Variants in KCNJ6 observed in about 807,000 individuals in gnomAD.
The protein encoded by KCNJ6 is potassium inwardly rectifying channel subfamily J member 6.
In KCNJ6, 9 loss-of-function variants were observed where a neutral mutation model predicts 34.2. That is an observed-to-expected ratio of 0.26 (90% confidence interval 0.16 to 0.46). The LOEUF (loss-of-function observed/expected upper bound fraction) is 0.46. Among genes scored for constraint, KCNJ6 ranks in the 20% least tolerant of loss-of-function variants. The pLI, the probability that KCNJ6 is intolerant of heterozygous loss-of-function variation, is 1.00. For missense variants in KCNJ6, 236 were observed against 531.3 expected (o/e 0.44, Z 5.46); for synonymous variants, 196 against 207.1 (o/e 0.95, Z 0.46).
intron 2 of KCNJ6, among the ~76,000 whole-genome samples, chr21:37,734,102 CCT>C (rs2054900626): frequency 6.6e-6 from 1 of 152,062 alleles, no homozygotes; most frequent in Non-Finnish European, 1.5e-5. Context: ...TGTTGTGTAC[CCT>C]GAGGCTTTGA....
chr21:37,790,841 C>T (rs376625173), intron 2 of KCNJ6, among the ~76,000 whole-genome samples: 14 of 152,288 alleles, frequency 9.2e-5, no homozygotes, highest in African/African-American at 3.4e-4. Flanking sequence ...CAATCACATG[C>T]CCACCGTCCC....
intron 3 of KCNJ6, among the ~76,000 whole-genome samples, chr21:37,663,960 A>C (rs1210638311): frequency 6.6e-6 from 1 of 152,252 alleles, no homozygotes; most frequent in East Asian, 1.9e-4. Context: ...TTTACCATGT[A>C]CAACGTTAGC....
chr21:37,680,455 A>T (rs1020217769), intron 3 of KCNJ6, among the ~76,000 whole-genome samples: 1 of 152,208 alleles, frequency 6.6e-6, no homozygotes. Context: ...TTAATTTTAT[A>T]TATCAACTCG....
chr21:37,857,894 G>GA (rs2055573182), intron 1 of KCNJ6, among the ~76,000 whole-genome samples: 1 of 151,974 alleles, frequency 6.6e-6, no homozygotes. Context: ...TATTTATTTA[G>GA]AAAAAAGAGA....
intron 2 of KCNJ6, among the ~76,000 whole-genome samples, chr21:37,815,508 T>C (rs1404490378): frequency 3.3e-5 from 5 of 152,186 alleles, no homozygotes; most frequent in African/African-American, 1.2e-4. Context: ...TCACCAGACT[T>C]TGTCAGTGTC....
At chr21:37,788,867 T>G (rs562979433) in intron 2 of KCNJ6, among the ~76,000 whole-genome samples, 10 of 152,302 alleles carry the variant, frequency 6.6e-5, no homozygotes, top group African/African-American at 2.4e-4. Context: ...GACTCATTTT[T>G]GGGATGGTTT....
chr21:37,705,570 A>G (rs2054715346), intron 3 of KCNJ6, among the ~76,000 whole-genome samples: 1 of 152,208 alleles, frequency 6.6e-6, no homozygotes. Context: ...CTCCACAGTG[A>G]AGGATGTGCA....
chr21:37,625,227 T>C lies in KCNJ6; in HGVS notation c.1204A>G (p.Lys402Glu), dbSNP rs1322201717. 6.2e-7 allele frequency: 1 copy of C among 1,614,230 alleles called. No homozygotes were observed. ...CTTTCTGTTTGCTCTTCGAGGTTCT[T>C]TTCTTCCTCTTCAGTCTCCAGTTCT... ...HAELETEEEE[K>E]NLEEQTERNG... Residue 402 changes from lysine to glutamate, a missense_variant, in exon 4 of 4, where the codon AAG becomes GAG. Physicochemically the swap from Lys to Glu is moderately conservative, Grantham distance 56. Transcript: ENST00000609713.
rs115608680 is a variant in KCNJ6, at chr21:37,910,510, T to C, written c.-28+5374A>G. On this transcript the variant is annotated intron_variant, in intron 1 of 3. Coordinates refer to ENST00000609713, the MANE Select transcript of KCNJ6 (RefSeq NM_002240.5). ...ACATTGCATATAATACCTTCAGATT[T>C]AGTCCCACAGAACAGTTGTTGGCAA... Among the ~76,000 whole-genome samples, 404 of 152,360 alleles carry C rather than the reference T, an allele frequency of 2.7e-3. 4 individuals are homozygous for C. Among genetic ancestry groups the C allele is most frequent in the African/African-American group, 9.0e-3 (375 of 41,584 alleles).
chr21:37,879,714 AGTGTGTGTGTGTGT>A lies in KCNJ6; in HGVS notation c.-28+36156_-28+36169del, dbSNP rs56736533. On this transcript the variant is annotated intron_variant, in intron 1 of 3. Transcript: ENST00000609713. ...AAACTCAATGTCTGCCTTGAAATGA[AGTGTGTGTGTGTGT>A]GTGTGTGTGTGTGTGTGTGTGTGTG... Among the ~76,000 whole-genome samples, 640 of 143,378 alleles carry A rather than the reference AGTGTGTGTGTGTGT, an allele frequency of 4.5e-3. 5 individuals are homozygous for A. Among genetic ancestry groups the A allele is most frequent in the African/African-American group, 0.013 (513 of 38,144 alleles). The allele number at this position is 143,378 out of a possible 152,430, so 94.1% of individuals were successfully genotyped here.
At chr21:37,779,731 T>C (rs1378470278) in intron 2 of KCNJ6, among the ~76,000 whole-genome samples, 1 of 152,204 alleles carries the variant, frequency 6.6e-6, no homozygotes, top group Non-Finnish European at 1.5e-5. Context: ...GTGCTAGTGA[T>C]TCTGAGATGA....
chr21:37,636,231 A>C (rs2054357469), intron 3 of KCNJ6, among the ~76,000 whole-genome samples: 1 of 152,182 alleles, frequency 6.6e-6, no homozygotes, highest in Non-Finnish European at 1.5e-5. Context: ...CTTCAGATTC[A>C]AATGCCAGTC....
chr21:37,747,257 AG>A (rs35875579), intron 2 of KCNJ6, among the ~76,000 whole-genome samples: 24,397 of 152,234 alleles, frequency 0.16, 2,411 homozygotes, highest in South Asian at 0.27. Context: ...GAGGGCCAGA[AG>A]GGGATTTGTG....
intron 1 of KCNJ6, among the ~76,000 whole-genome samples, chr21:37,896,003 G>A (rs2055785911): frequency 6.6e-6 from 1 of 152,166 alleles, no homozygotes; most frequent in African/African-American, 2.4e-5. Context: ...GTTTTAAGGG[G>A]CTCACGGTTC....
At chr21:37,690,992 A>G in intron 3 of KCNJ6, among the ~76,000 whole-genome samples, 1 of 152,120 alleles carries the variant, frequency 6.6e-6, no homozygotes, top group Admixed American at 6.5e-5. Flanking sequence ...CATCTTGGCC[A>G]GGCTGGTCTT....
chr21:37,752,183 T>C (rs1282555256), intron 2 of KCNJ6, among the ~76,000 whole-genome samples: 1 of 152,180 alleles, frequency 6.6e-6, no homozygotes, highest in East Asian at 1.9e-4. Context: ...GGCTGCTCTG[T>C]GTCCTCATGA....
intron 1 of KCNJ6, among the ~76,000 whole-genome samples, chr21:37,847,856 A>T (rs2055517419): frequency 6.6e-6 from 1 of 152,176 alleles, no homozygotes; most frequent in South Asian, 2.1e-4. Flanking sequence ...AACTCACAGA[A>T]CCAGGGTGTG....
intron 3 of KCNJ6, among the ~76,000 whole-genome samples, chr21:37,631,576 T>C (rs1342175923): frequency 2.0e-5 from 3 of 152,184 alleles, no homozygotes; most frequent in Non-Finnish European, 2.9e-5. Context: ...AGCAGGACGA[T>C]TGGAGAAGGG....
chr21:37,707,733 G>GTGTGTGTGTATGTGTGCATGTGTATCCA (rs1237113944), intron 3 of KCNJ6, among the ~76,000 whole-genome samples: 1 of 149,898 alleles, frequency 6.7e-6, no homozygotes, highest in African/African-American at 2.5e-5. Flanking sequence ...ATGTGTGTGT[G>GTGTGTGTGTATGTGTGCATGTGTATCCA]TGAATAATTT....
Sources: allele counts gnomAD v4.1 joint callset (sites outside exome capture counted in the v4.1 genomes callset), GRCh38; gene constraint gnomAD v4.1.1; transcripts MANE v1.5; gene names NCBI Gene and HGNC (gene_info 2026-07-23, HGNC 2026-07-21).